The following NELL1 variants were observed in gnomAD, a reference collection of about 807,000 sequenced individuals.
The protein encoded by NELL1 is neural EGFL like 1, also known as protein kinase C-binding protein NELL1.
In NELL1, 76 loss-of-function variants were observed where a neutral mutation model predicts 107.4. The ratio of observed to expected loss-of-function variants is 0.71; its 90% confidence interval spans 0.59 to 0.86. The LOEUF (loss-of-function observed/expected upper bound fraction) is 0.86. Among genes scored for constraint, NELL1 ranks in the 40% least tolerant of loss-of-function variants. The pLI is 0.00. For synonymous variants in NELL1, 353 were observed against 341.2 expected (o/e 1.03, Z -0.38); for missense variants, 1,024 against 1,005.5 (o/e 1.02, Z -0.25).
intron 15 of NELL1, among the ~76,000 whole-genome samples, chr11:21,522,112 T>C (rs1855739852): frequency 6.6e-6 from 1 of 152,012 alleles, no homozygotes; most frequent in African/African-American, 2.4e-5. Context: ...TACCTGCCTG[T>C]AGTCCCAGCT....
chr11:21,207,267 T>C (rs1857409656), intron 13 of NELL1, among the ~76,000 whole-genome samples: 1 of 152,196 alleles, frequency 6.6e-6, no homozygotes, highest in African/African-American at 2.4e-5. Flanking sequence ...CTCTGTGTGG[T>C]GGATCTTATT....
At chr11:21,168,743 T>C (rs1381188010) in intron 13 of NELL1, among the ~76,000 whole-genome samples, 1 of 151,864 alleles carries the variant, frequency 6.6e-6, no homozygotes, top group African/African-American at 2.4e-5. Flanking sequence ...AAGTTTTTTT[T>C]CCCCCAGGTG....
chr11:20,893,026 T>C (rs550767564), intron 5 of NELL1, among the ~76,000 whole-genome samples: 1 of 151,510 alleles, frequency 6.6e-6, no homozygotes, highest in East Asian at 1.9e-4. Context: ...TGCTCATCAA[T>C]GTTAGACTAA....
intron 14 of NELL1, among the ~76,000 whole-genome samples, chr11:21,285,162 T>A (rs77485441): frequency 0.027 from 4,182 of 152,280 alleles, 78 homozygotes; most frequent in East Asian, 0.069. Context: ...CCATAAAAAT[T>A]TTTTGTTTAA....
intron 4 of NELL1, among the ~76,000 whole-genome samples, chr11:20,848,320 G>A (rs1189944385): frequency 6.6e-6 from 1 of 152,186 alleles, no homozygotes; most frequent in African/African-American, 2.4e-5. Context: ...AGGGGATGGT[G>A]GGACCAGGGG....
intron 11 of NELL1, among the ~76,000 whole-genome samples, chr11:20,958,379 C>T (rs1851221512): frequency 6.6e-6 from 1 of 152,164 alleles, no homozygotes; most frequent in African/African-American, 2.4e-5. Context: ...TGCCACCGCA[C>T]TCCAACCTGG....
At chr11:21,304,161 T>G (rs1032395537) in intron 14 of NELL1, among the ~76,000 whole-genome samples, 1 of 152,026 alleles carries the variant, frequency 6.6e-6, no homozygotes, top group Admixed American at 6.6e-5. Context: ...CTGATCATGG[T>G]TATAATACAA....
rs560353195 is a variant in NELL1 at position 20,967,570 on chromosome 11, T to A, written c.1300+7010T>A. On this transcript the variant is annotated intron_variant, in intron 12 of 19. Transcript: ENST00000357134. ...ATAGACATCATCCTTGATTCCACTC[T>A]TTTCTTTATCCCCAACATCTGCTAC... Among the ~76,000 whole-genome samples, 19 of 152,280 alleles carry A rather than the reference T, an allele frequency of 1.2e-4. No individual in the cohort carries two copies. The South Asian group carries it at 3.9e-3, about 32-fold the overall frequency.
chr11:21,446,442 G>A (rs1334661405), intron 15 of NELL1, among the ~76,000 whole-genome samples: 1 of 152,238 alleles, frequency 6.6e-6, no homozygotes, highest in Non-Finnish European at 1.5e-5. Context: ...GGTACTTACT[G>A]TAGTCTTCAC....
intron 13 of NELL1, among the ~76,000 whole-genome samples, chr11:21,163,653 TG>T (rs1856420430): frequency 6.6e-6 from 1 of 152,166 alleles, no homozygotes; most frequent in Non-Finnish European, 1.5e-5. Context: ...CTCATAGTTC[TG>T]GGGGTCAGGA....
chr11:21,257,184 A>C (rs1003123470), intron 14 of NELL1, among the ~76,000 whole-genome samples: 5 of 152,042 alleles, frequency 3.3e-5, no homozygotes, highest in Middle Eastern at 3.4e-3. Context: ...ATATATTAGA[A>C]TAGAACTCTT....
chr11:21,399,384 A>G (rs1205624874), intron 15 of NELL1, among the ~76,000 whole-genome samples: 1 of 151,640 alleles, frequency 6.6e-6, no homozygotes, highest in Non-Finnish European at 1.5e-5. Context: ...CAAGAAATGC[A>G]TAAGATTTAG....
intron 14 of NELL1, among the ~76,000 whole-genome samples, chr11:21,295,751 G>A (rs764045581): frequency 2.6e-5 from 4 of 151,956 alleles, no homozygotes; most frequent in Non-Finnish European, 5.9e-5. Flanking sequence ...GTGGTAAATT[G>A]TTCTTCACAT....
intron 15 of NELL1, among the ~76,000 whole-genome samples, chr11:21,519,085 C>T (rs78399936): frequency 0.12 from 18,021 of 152,128 alleles, 1,198 homozygotes; most frequent in Admixed American, 0.2. Context: ...CTAGTCCTCA[C>T]GTTCTCCAGC....
chr11:21,407,695 T>A (rs1050201813), intron 15 of NELL1, among the ~76,000 whole-genome samples: 105 of 65,440 alleles, frequency 1.6e-3, no homozygotes, highest in African/African-American at 4.2e-3. Context: ...CCAAATTACC[T>A]TTTTTTTTTT....
intron 12 of NELL1, among the ~76,000 whole-genome samples, chr11:20,981,172 G>A (rs2040316): frequency 0.62 from 94,023 of 152,014 alleles, 29,854 homozygotes; most frequent in African/African-American, 0.76. Flanking sequence ...ACTGAATTTT[G>A]AAGTATTTTG....
intron 16 of NELL1, among the ~76,000 whole-genome samples, chr11:21,544,349 A>T (rs1425357374): frequency 2.0e-5 from 3 of 151,978 alleles, no homozygotes. Context: ...GACAAAAATA[A>T]TCAGCTTACA....
intron 2 of NELL1, among the ~76,000 whole-genome samples, chr11:20,767,170 C>G (rs766733055): frequency 6.6e-6 from 1 of 152,152 alleles, no homozygotes; most frequent in Non-Finnish European, 1.5e-5. Context: ...AATGAAGCTG[C>G]GGACCTTCGC....
chr11:21,086,871 G>A (rs891377679), intron 12 of NELL1, among the ~76,000 whole-genome samples: 4 of 129,926 alleles, frequency 3.1e-5, no homozygotes, highest in Non-Finnish European at 3.1e-5. Context: ...TCACTCTGTC[G>A]CCCAGGCTGC....
Sources: gnomAD v4.1 joint callset for allele counts (sites outside exome capture counted in the v4.1 genomes callset) on GRCh38, gnomAD v4.1.1 for gene constraint, MANE v1.5 for transcripts, NCBI Gene and HGNC (gene_info 2026-07-23, HGNC 2026-07-21) for gene names.